Variants in TMEM88 observed in about 807,000 individuals in gnomAD.
TMEM88 encodes the protein transmembrane protein 88.
Under a neutral mutation model 10.0 loss-of-function variants are expected in TMEM88, and 8 were observed. That is an observed-to-expected ratio of 0.80 (90% confidence interval 0.47 to 1.44). The LOEUF (loss-of-function observed/expected upper bound fraction) is 1.44. TMEM88 is among the 40% of genes most tolerant of loss of function. TMEM88 has a pLI of 0.00. For synonymous variants in TMEM88, 139 were observed against 104.9 expected, an observed-to-expected ratio of 1.33 and a Z score of -1.99; for missense variants, 255 against 217.8, an observed-to-expected ratio of 1.17 and a Z score of -1.07.
chr17:7,855,352 T>C (rs1380555585), intron 1 of TMEM88, 68 bp downstream of exon 1: 2 of 1,585,328 alleles, frequency 1.3e-6, no homozygotes, highest in African/African-American at 2.7e-5. Context: ...GGCGGTGGGG[T>C]CTATGGGCCA....
rs1159583104 is a variant in TMEM88, at chr17:7,855,838, C to A, written c.*124C>A. 1.4e-6 allele frequency: 2 copies of A among 1,422,500 alleles called. No homozygotes were observed. The highest frequency in any genetic ancestry group is 1.8e-6 in the Non-Finnish European group (2 of 1,090,954). 88.1% of individuals were successfully genotyped at this position (1,422,500 alleles called of 1,614,324 possible). A position where few individuals can be genotyped will look rare whatever the true frequency, so the allele number is the denominator to read the frequency against. On this transcript the variant is annotated 3_prime_UTR_variant, in exon 2 of 2. Transcript: ENST00000301599. ...CTGCCTGAGCGGAGTCCTAGCATCC[C>A]CTTGGGAGCAGCAGCGTCAGTGGAC...
rs560324633 is a variant in TMEM88, at chr17:7,855,393, C to T, written c.211-52C>T. The stretch of plus-strand genomic sequence containing the variant: ...TCAACCCGCCTGGGCTGTTTCCACC[C>T]CGTGCACAGTATCGCCTGGTCGGCT... On this transcript the variant is annotated intron_variant, in intron 1 of 1. Coordinates refer to ENST00000301599, the MANE Select transcript of TMEM88 (RefSeq NM_203411.2). The T allele has an allele frequency of 6.3e-6, 10 of 1,593,862 alleles. No individual in the cohort carries two copies. In the African/African-American group the frequency reaches 1.1e-4, roughly 17 times the overall value.
intron 1 of TMEM88, 24 bp downstream of exon 1, chr17:7,855,308 C>CGT: frequency 2.5e-6 from 4 of 1,582,980 alleles, no homozygotes; most frequent in East Asian, 2.3e-5. Flanking sequence ...CCGGGGTGTG[C>CGT]GTGTGAGTGT....
Position 7,855,143 on chromosome 17 carries a change from C to CTGT in TMEM88, c.72_74dup (p.Cys24dup), listed in dbSNP as rs1273356366. 2 of 1,611,734 alleles carry CTGT rather than the reference C, an allele frequency of 1.2e-6. No individual in the cohort carries two copies. The highest frequency in any genetic ancestry group is 4.5e-5 in the East Asian group (2 of 44,842). ...GCCCAGAGCCCCGGGACCCCCTGGA[C>CTGT]TGTTGGGCCTGCGCTGTTCTTGTAA... On this transcript the variant is annotated inframe_insertion, in exon 1 of 2. Coordinates refer to ENST00000301599, the MANE Select transcript of TMEM88 (RefSeq NM_203411.2).
rs2078797818 is a variant in TMEM88, at chr17:7,855,603, C to T, written c.369C>T (p.Leu123=). 1.2e-6 allele frequency: 2 copies of T among 1,608,836 alleles called. No individual in the cohort carries two copies. The highest frequency in any genetic ancestry group is 1.7e-6 in the Non-Finnish European group (2 of 1,179,880). ...LCLRLRLADC[L]VPYSRALYRR... The stretch of plus-strand genomic sequence containing the variant: ...TGCGCCTCCGCCTAGCCGATTGCCT[C>T]GTGCCCTACAGCCGAGCCCTTTATC... The change falls in exon 2 of 2, where the codon CTC becomes CTT. Residue 123 remains leucine (L), a synonymous_variant. Coordinates refer to ENST00000301599, the MANE Select transcript of TMEM88 (RefSeq NM_203411.2).
In TMEM88 at chr17:7,855,906, C is replaced by T; in HGVS notation, c.*192C>T. Reference sequence around the variant, plus strand: ...CCCCACATCCCGGAAAACCCACTTTCCTTTCACGACCCACATCTCAATCCT... The same window carrying T: ...CCCCACATCCCGGAAAACCCACTTTTCTTTCACGACCCACATCTCAATCCT... On this transcript the variant is annotated 3_prime_UTR_variant, in exon 2 of 2. Transcript: ENST00000301599. The T allele has an allele frequency of 7.2e-7, 1 of 1,391,288 alleles. No individual in the cohort carries two copies. The highest frequency in any genetic ancestry group is 2.7e-5 in the East Asian group (1 of 37,284). The allele number at this position is 1,391,288 out of a possible 1,614,324, so 86.2% of individuals were successfully genotyped here. A position where few individuals can be genotyped will look rare whatever the true frequency, so the allele number is the denominator to read the frequency against.
Position 7,855,702 on chromosome 17 carries a change from G to A in TMEM88, c.468G>A (p.Lys156=). 2 of 1,572,180 alleles carry A rather than the reference G, an allele frequency of 1.3e-6. No homozygotes were observed. The highest frequency in any genetic ancestry group is 1.4e-5 in the African/African-American group (1 of 74,014). ...PGSQAVPTSG[K]VWV ...CCCAGGCCGTTCCCACATCAGGAAA[G>A]GTCTGGGTCTAATGACCCTCGAGTC... The change falls in exon 2 of 2, where the codon AAG becomes AAA. Residue 156 remains lysine, a synonymous_variant. Coordinates refer to ENST00000301599, the MANE Select transcript of TMEM88 (RefSeq NM_203411.2).
At chr17:7,855,321 G>A in intron 1 of TMEM88, 37 bp downstream of exon 1, 1 of 1,589,674 alleles carries the variant, frequency 6.3e-7, no homozygotes, top group Non-Finnish European at 8.5e-7. Context: ...GTGAGTGTGA[G>A]TGTTGGTGTG....
In TMEM88 at chr17:7,855,296, C is replaced by T; in HGVS notation, c.210+12C>T. ...TCTGCCACTCTCAGGTGAGCGTGCG[C>T]CCCGGGGTGTGCGTGTGAGTGTGAG... On this transcript the variant is annotated intron_variant, in intron 1 of 1. Coordinates refer to ENST00000301599, the MANE Select transcript of TMEM88 (RefSeq NM_203411.2). 2 of 1,590,412 alleles carry T rather than the reference C, an allele frequency of 1.3e-6. No homozygotes were observed. Among genetic ancestry groups the T allele is most frequent in the Non-Finnish European group, 1.7e-6 (2 of 1,170,346 alleles).
chr17:7,855,990 A>G lies in TMEM88; in HGVS notation c.*276A>G. ...TCAGCTCCGTCGTGAATGGGACAAC[A>G]ATCTCGTGCCCTCGTTTTATGGTGC... On this transcript the variant is annotated 3_prime_UTR_variant, in exon 2 of 2. Transcript: ENST00000301599. The G allele has an allele frequency of 7.9e-7, 1 of 1,269,896 alleles. No homozygotes were observed. The allele number at this position is 1,269,896 out of a possible 1,614,324, so 78.7% of individuals were successfully genotyped here. A position where few individuals can be genotyped will look rare whatever the true frequency, so the allele number is the denominator to read the frequency against.
chr17:7,855,564 C>T lies in TMEM88; in HGVS notation c.330C>T (p.Tyr110=). 3 of 1,608,154 alleles carry T rather than the reference C, an allele frequency of 1.9e-6. No homozygotes were observed. The highest frequency in any genetic ancestry group is 2.5e-6 in the Non-Finnish European group (3 of 1,179,864). ...VPLLVLALAS[Y]RRLCLRLRLA... is the part of the protein sequence containing the mutation. ...TGCTCGTGCTTGCTCTGGCCAGCTA[C>T]CGCCGCCTCTGCCTGCGCCTCCGCC... is the stretch of plus-strand genomic sequence containing the variant. The change falls in exon 2 of 2, where the codon TAC becomes TAT. Residue 110 remains tyrosine (Y), a synonymous_variant. Transcript: ENST00000301599.
chr17:7,856,062 G>A lies in TMEM88; in HGVS notation c.*348G>A, dbSNP rs1014497122. ...GCTGGGGGGCGGGGCTGGAGGGGAAGGAGTGTCCACGCATCAATAAAGATT... is the reference window on the plus strand; with the variant it reads ...GCTGGGGGGCGGGGCTGGAGGGGAAAGAGTGTCCACGCATCAATAAAGATT... On this transcript the variant is annotated 3_prime_UTR_variant, in exon 2 of 2. Coordinates refer to ENST00000301599, the MANE Select transcript of TMEM88 (RefSeq NM_203411.2). The A allele has an allele frequency of 9.8e-6, 10 of 1,015,888 alleles. No homozygotes were observed. Among genetic ancestry groups the A allele is most frequent in the Admixed American group, 3.8e-5 (1 of 26,340 alleles). The allele number at this position is 1,015,888 out of a possible 1,614,324, so 62.9% of individuals were successfully genotyped here.
chr17:7,855,925 C>A lies in TMEM88; in HGVS notation c.*211C>A, dbSNP rs1231048220. On this transcript the variant is annotated 3_prime_UTR_variant, in exon 2 of 2. Coordinates refer to ENST00000301599, the MANE Select transcript of TMEM88 (RefSeq NM_203411.2). ...CACTTTCCTTTCACGACCCACATCT[C>A]AATCCTGAACATCTAGGCTGGAACC... is the stretch of plus-strand genomic sequence containing the variant. 10 of 1,371,974 alleles carry A rather than the reference C, an allele frequency of 7.3e-6. No individual in the cohort carries two copies. Among genetic ancestry groups the A allele is most frequent in the Non-Finnish European group, 9.4e-6 (10 of 1,065,614 alleles). 85.0% of individuals were successfully genotyped at this position (1,371,974 alleles called of 1,614,324 possible).
rs780051854 is a variant in TMEM88, at chr17:7,855,207, C to CTGCTGG, written c.144_149dup (p.Val49_Leu50dup). The CTGCTGG allele has an allele frequency of 1.2e-6, 2 of 1,609,098 alleles. No individual in the cohort carries two copies. Among genetic ancestry groups the CTGCTGG allele is most frequent in the Non-Finnish European group, 1.7e-6 (2 of 1,178,164 alleles). On this transcript the variant is annotated inframe_insertion, in exon 1 of 2. Transcript: ENST00000301599. Reference sequence around the variant, plus strand: ...GCTGGTGGCTGCCTTCAATCTTCTCCTGCTGGTGCTGGTGCTAGGGACCAT... The same window carrying CTGCTGG: ...GCTGGTGGCTGCCTTCAATCTTCTCCTGCTGGTGCTGGTGCTGGTGCTAGGGACCAT...
chr17:7,855,372 C>G, intron 1 of TMEM88, 73 bp from the exon 2 acceptor site: 1 of 1,589,812 alleles, frequency 6.3e-7, no homozygotes, highest in Non-Finnish European at 8.5e-7. Context: ...ACAACTTCAA[C>G]CCGCCTGGGC....
At position 7,855,976 on chromosome 17, in the gene TMEM88, G is replaced by A. The variant is rs2078804129; in HGVS notation, c.*262G>A. 7.8e-7 allele frequency: 1 copy of A among 1,288,338 alleles called. No individual in the cohort carries two copies. Among genetic ancestry groups the A allele is most frequent in the Non-Finnish European group, 9.8e-7 (1 of 1,018,468 alleles). 79.8% of individuals were successfully genotyped at this position (1,288,338 alleles called of 1,614,324 possible). ...TGCACACCTCCCCCTCAGCTCCGTC[G>A]TGAATGGGACAACAATCTCGTGCCC... is the stretch of plus-strand genomic sequence containing the variant. On this transcript the variant is annotated 3_prime_UTR_variant, in exon 2 of 2. Transcript: ENST00000301599.
At position 7,855,885 on chromosome 17, in the gene TMEM88, A is replaced by C; in HGVS notation, c.*171A>C. The C allele has an allele frequency of 7.2e-7, 1 of 1,393,234 alleles. No homozygotes were observed. 86.3% of individuals were successfully genotyped at this position (1,393,234 alleles called of 1,614,324 possible). On this transcript the variant is annotated 3_prime_UTR_variant, in exon 2 of 2. Coordinates refer to ENST00000301599, the MANE Select transcript of TMEM88 (RefSeq NM_203411.2). ...GGACCCAGTGCTGAGAAAAGCCCCC[A>C]CATCCCGGAAAACCCACTTTCCTTT...
At chr17:7,855,410 T>C (rs1409971903) in intron 1 of TMEM88, 35 bp from the exon 2 acceptor site, 2 of 1,597,680 alleles carry the variant, frequency 1.3e-6, no homozygotes, top group Admixed American at 1.7e-5. Context: ...CAGTATCGCC[T>C]GGTCGGCTTG....
chr17:7,855,889 C>A lies in TMEM88; in HGVS notation c.*175C>A, dbSNP rs2078802892. ...CCAGTGCTGAGAAAAGCCCCCACAT[C>A]CCGGAAAACCCACTTTCCTTTCACG... On this transcript the variant is annotated 3_prime_UTR_variant, in exon 2 of 2. Transcript: ENST00000301599. The A allele has an allele frequency of 1.2e-5, 17 of 1,392,686 alleles. No homozygotes were observed. Among genetic ancestry groups the A allele is most frequent in the Non-Finnish European group, 1.6e-5 (17 of 1,076,782 alleles). The allele number at this position is 1,392,686 out of a possible 1,614,324, so 86.3% of individuals were successfully genotyped here.
Sources: allele counts gnomAD v4.1 joint callset, GRCh38; gene constraint gnomAD v4.1.1; transcripts MANE v1.5; gene names NCBI Gene and HGNC (gene_info 2026-07-23, HGNC 2026-07-21).